AGO3: variants seen among roughly 807,000 people sequenced by gnomAD.
AGO3 encodes argonaute RISC catalytic component 3.
Under a neutral mutation model 105.5 loss-of-function variants are expected in AGO3, and 16 were observed. That is an observed-to-expected ratio of 0.15 (90% CI 0.10 to 0.23). The LOEUF (loss-of-function observed/expected upper bound fraction) is 0.23. Among genes scored for constraint, AGO3 ranks in the 10% least tolerant of loss-of-function variants. AGO3 has a pLI of 1.00. For synonymous variants in AGO3, 340 were observed against 367.3 expected (o/e 0.93, Z 0.85); for missense variants, 534 against 1,088.0 (o/e 0.49, Z 7.16).
Position 36,070,861 on chromosome 1 carries a change from T to C in AGO3, c.*15116T>C, listed in dbSNP as rs1291587022. 6.6e-6 allele frequency: 1 copy of C among 152,256 alleles called. No individual in the cohort carries two copies. Among genetic ancestry groups the C allele is most frequent in the Non-Finnish European group, 1.5e-5 (1 of 68,046 alleles). 9.4% of individuals were successfully genotyped at this position (152,256 alleles called of 1,614,324 possible). On this transcript the variant is annotated 3_prime_UTR_variant, in exon 19 of 19. Transcript: ENST00000373191. ...TGTAATGTGTAGCTTTAATGTCTCT[T>C]TTCAGTTATGGACCCATAAAAGTAT...
chr1:35,982,734 A>G, intron 5 of AGO3: 2 of 699,286 alleles, frequency 2.9e-6, no homozygotes, highest in South Asian at 3.1e-5. Context: ...TGATGGTCTA[A>G]TGTGGGATGG....
intron 17 of AGO3, among the ~76,000 whole-genome samples, chr1:36,047,538 GAGT>G (rs1642526510): frequency 1.3e-5 from 2 of 152,130 alleles, no homozygotes; most frequent in Non-Finnish European, 2.9e-5. Context: ...TGTATTATGG[GAGT>G]TCCAGAAGGA....
chr1:36,049,911 A>G (rs1642633328), intron 17 of AGO3, among the ~76,000 whole-genome samples: 2 of 152,234 alleles, frequency 1.3e-5, no homozygotes, highest in Non-Finnish European at 2.9e-5. Flanking sequence ...CCAGATATAT[A>G]ATATAAAGCA....
At chr1:35,950,308 C>T (rs11809654) in intron 2 of AGO3, among the ~76,000 whole-genome samples, 7,328 of 152,082 alleles carry the variant, frequency 0.048, 574 homozygotes, top group African/African-American at 0.17. Context: ...CTTAAATTAT[C>T]GTGCATGAAA....
chr1:36,025,550 C>G (rs1641465014), intron 11 of AGO3, among the ~76,000 whole-genome samples: 1 of 152,134 alleles, frequency 6.6e-6, no homozygotes, highest in Non-Finnish European at 1.5e-5. Context: ...AGTGAAAATA[C>G]TCAATTTCAT....
At chr1:35,998,486 C>G (rs575880251) in intron 5 of AGO3, among the ~76,000 whole-genome samples, 1 of 152,258 alleles carries the variant, frequency 6.6e-6, no homozygotes, top group Non-Finnish European at 1.5e-5. Flanking sequence ...TATTCCACTT[C>G]CTTTCCTAAG....
chr1:35,934,064 T>C (rs1015737272), intron 1 of AGO3, among the ~76,000 whole-genome samples: 13 of 152,232 alleles, frequency 8.5e-5, no homozygotes, highest in Non-Finnish European at 1.8e-4. Flanking sequence ...TCTGTGACTC[T>C]TTAGTTGGGG....
intron 1 of AGO3, among the ~76,000 whole-genome samples, chr1:35,938,872 C>T (rs1646202436): frequency 6.6e-6 from 1 of 151,616 alleles, no homozygotes; most frequent in South Asian, 2.1e-4. Context: ...GTCACATTTG[C>T]TGTAGGCTAT....
Position 36,058,184 on chromosome 1 carries a change from T to C in AGO3, c.*2439T>C, listed in dbSNP as rs1180289009. 1 of 152,214 alleles carries C rather than the reference T, an allele frequency of 6.6e-6. No individual in the cohort carries two copies. 9.4% of individuals were successfully genotyped at this position (152,214 alleles called of 1,614,324 possible). The stretch of plus-strand genomic sequence containing the variant: ...GAATCAGGAAAATGCAAGATGATAT[T>C]TTAAAACTTTTGCTAATGTATCACC... On this transcript the variant is annotated 3_prime_UTR_variant, in exon 19 of 19. Coordinates refer to ENST00000373191, the MANE Select transcript of AGO3 (RefSeq NM_024852.4).
At chr1:36,012,112 A>G (rs536167724) in intron 9 of AGO3, among the ~76,000 whole-genome samples, 3 of 152,278 alleles carry the variant, frequency 2.0e-5, no homozygotes, top group Non-Finnish European at 2.9e-5. Flanking sequence ...AGGCAGGACT[A>G]TCAGTTGAGC....
chr1:36,012,171 CA>C (rs1055746082), intron 9 of AGO3, among the ~76,000 whole-genome samples: 6 of 151,016 alleles, frequency 4.0e-5, no homozygotes, highest in African/African-American at 1.5e-4. Context: ...CCCATCTCTA[CA>C]AAAAAAATGT....
At position 36,043,473 on chromosome 1, in the gene AGO3, T is replaced by A. The variant is rs1352168991; in HGVS notation, c.2199T>A (p.Ala733=). The part of the protein sequence containing the change: ...ERVGRSGNIP[A]GTTVDTDITH... Reference sequence around the variant, plus strand: ...TTGGAAGAAGTGGCAATATCCCAGCTGGAACAACAGTTGATACAGACATTA... The same window carrying A: ...TTGGAAGAAGTGGCAATATCCCAGCAGGAACAACAGTTGATACAGACATTA... The change falls in exon 17 of 19, where the codon GCT becomes GCA. Residue 733 remains alanine (A), a synonymous_variant. Transcript: ENST00000373191. 6.2e-7 allele frequency: 1 copy of A among 1,613,788 alleles called. No homozygotes were observed. Among genetic ancestry groups the A allele is most frequent in the Non-Finnish European group, 8.5e-7 (1 of 1,179,910 alleles).
intron 1 of AGO3, among the ~76,000 whole-genome samples, chr1:35,939,866 A>G (rs553694453): frequency 6.6e-6 from 1 of 152,126 alleles, no homozygotes; most frequent in Admixed American, 6.5e-5. Context: ...CTTCTCTTCT[A>G]CTTTTCCCTC....
chr1:35,940,611 T>A (rs1646236478), intron 1 of AGO3, among the ~76,000 whole-genome samples: 1 of 152,182 alleles, frequency 6.6e-6, no homozygotes, highest in African/African-American at 2.4e-5. Context: ...TTGATCAAAT[T>A]CAGGCCATTC....
In AGO3 at chr1:36,027,313, A is replaced by C. The variant is rs1641548600; in HGVS notation, c.1591+15A>C. On this transcript the variant is annotated intron_variant, in intron 12 of 18. Transcript: ENST00000373191. The surrounding 1 kb of genome is among the most constrained non-coding windows in gnomAD (Gnocchi z 4.0). ...ACCAGTGTATGGTAAGGATATCTTA[A>C]GACTGCATTTTTCCTCAAGTACTTG... The C allele has an allele frequency of 1.9e-6, 3 of 1,576,588 alleles. No homozygotes were observed. In the East Asian group the frequency reaches 6.8e-5, roughly 36 times the overall value.
At chr1:35,945,083 A>AT (rs1366600868) in intron 1 of AGO3, among the ~76,000 whole-genome samples, 1 of 152,172 alleles carries the variant, frequency 6.6e-6, no homozygotes, top group Non-Finnish European at 1.5e-5. Flanking sequence ...AAGTGCTGGG[A>AT]TTACAGGTGT....
intron 5 of AGO3, among the ~76,000 whole-genome samples, chr1:35,992,911 A>G (rs1647818518): frequency 1.3e-5 from 2 of 152,260 alleles, no homozygotes; most frequent in Admixed American, 1.3e-4. Context: ...GACTCACTTA[A>G]TTGGTAACAA....
At chr1:35,981,582 G>A (rs1469292704) in intron 5 of AGO3, among the ~76,000 whole-genome samples, 2 of 152,168 alleles carry the variant, frequency 1.3e-5, no homozygotes, top group Non-Finnish European at 2.9e-5. Flanking sequence ...AAGAATTTGT[G>A]ACAGGTATAC....
At chr1:35,976,317 A>G (rs1646956771) in intron 5 of AGO3, among the ~76,000 whole-genome samples, 3 of 151,970 alleles carry the variant, frequency 2.0e-5, no homozygotes. Context: ...TTGCTTATAT[A>G]TATTCAGGCT....
Sources: allele counts gnomAD v4.1 joint callset (sites outside exome capture counted in the v4.1 genomes callset), GRCh38; gene constraint gnomAD v4.1.1; non-coding constraint Gnocchi (gnomAD v3.1); transcripts MANE v1.5; gene names NCBI Gene and HGNC (gene_info 2026-07-23, HGNC 2026-07-21).